The following TMPRSS11E variants were observed in gnomAD, a reference collection of about 807,000 sequenced individuals.
TMPRSS11E encodes transmembrane serine protease 11E, also known as transmembrane protease serine 11E.
A neutral mutation model predicts 48.1 loss-of-function variants in TMPRSS11E; 38 were observed. The observed-to-expected ratio is 0.79, with a 90% CI of 0.61 to 1.04. The LOEUF (loss-of-function observed/expected upper bound fraction) is 1.04. Ranked by LOEUF, TMPRSS11E falls within the 50% of genes least tolerant of loss-of-function variation. The pLI is 0.00. For missense variants in TMPRSS11E, 530 were observed against 510.8 expected (o/e 1.04, Z -0.36); for synonymous variants, 158 against 171.9 (o/e 0.92, Z 0.63).
rs536547925 is a variant in TMPRSS11E at position 68,468,120 on chromosome 4, C to T, written c.259-759C>T. ...AAGAAGTGTCCTTAGTAAAAAAATT[C>T]GGAATTAATAAAATGTAAGAAAGAA... On this transcript the variant is annotated intron_variant, in intron 3 of 9. Coordinates refer to ENST00000305363, the MANE Select transcript of TMPRSS11E (RefSeq NM_014058.4). Among the ~76,000 whole-genome samples, 14 of 152,116 alleles carry T rather than the reference C, an allele frequency of 9.2e-5. No individual in the cohort carries two copies. In the South Asian group the frequency reaches 2.1e-3, roughly 23 times the overall value.
chr4:68,449,127 T>TTG (rs1476408538), intron 1 of TMPRSS11E, among the ~76,000 whole-genome samples: 2 of 151,684 alleles, frequency 1.3e-5, no homozygotes, highest in African/African-American at 2.4e-5. Context: ...TCAGTTTTTT[T>TTG]TTTTTTTTTT....
In TMPRSS11E at chr4:68,471,460, T is replaced by A. The variant is rs748916294; in HGVS notation, c.327T>A (p.Ser109Arg). Residue 109 changes from serine (S) to arginine (R), a missense_variant and splice_region_variant, in exon 5 of 10, where the codon AGT (serine) becomes AGA (arginine). Transcript: ENST00000305363. ...CATTTTCTTCTTTTTTGGCCCACAG[T>A]CAACAGAAGCATGGAGTGTTGGCTC... ...EFVKSQVIKFSQQKHGVLAHM... is the reference protein window; with the variant it reads ...EFVKSQVIKFRQQKHGVLAHM... The A allele has an allele frequency of 7.9e-7, 1 of 1,258,102 alleles. No individual in the cohort carries two copies. Among genetic ancestry groups the A allele is most frequent in the Non-Finnish European group, 1.0e-6 (1 of 973,618 alleles). The allele number at this position is 1,258,102 out of a possible 1,614,324, so 77.9% of individuals were successfully genotyped here. A position where few individuals can be genotyped will look rare whatever the true frequency, so the allele number is the denominator to read the frequency against.
At position 68,490,947 on chromosome 4, in the gene TMPRSS11E, C is replaced by T. The variant is rs530780519; in HGVS notation, c.1111-5696C>T. Among the ~76,000 whole-genome samples, 13 of 151,762 alleles carry T rather than the reference C, an allele frequency of 8.6e-5. No homozygotes were observed. The East Asian group carries it at 1.2e-3, about 14-fold the overall frequency. ...CTAATTTTTGTATTTTTAGTAGAGA[C>T]GGCGTTTTGCCATGTTTGCTAGGCT... On this transcript the variant is annotated intron_variant, in intron 9 of 9. Coordinates refer to ENST00000305363, the MANE Select transcript of TMPRSS11E (RefSeq NM_014058.4).
chr4:68,496,496 C>T, intron 9 of TMPRSS11E, 147 bp from the exon 10 acceptor site: 2 of 788,852 alleles, frequency 2.5e-6, no homozygotes, highest in Non-Finnish European at 4.1e-6. Context: ...GGATAACTGA[C>T]ATAGATGGAG....
intron 5 of TMPRSS11E, among the ~76,000 whole-genome samples, chr4:68,472,832 G>A (rs1004510032): frequency 6.6e-6 from 1 of 151,912 alleles, no homozygotes; most frequent in African/African-American, 2.4e-5. Flanking sequence ...TTCTTCCCTG[G>A]TCTCGCTCTC....
intron 9 of TMPRSS11E, among the ~76,000 whole-genome samples, chr4:68,488,054 T>C (rs970567757): frequency 8.5e-5 from 13 of 152,084 alleles, no homozygotes; most frequent in Non-Finnish European, 1.9e-4. Context: ...TCACCCCCTT[T>C]GTATGTGACC....
intron 9 of TMPRSS11E, among the ~76,000 whole-genome samples, chr4:68,495,032 T>C (rs1300756631): frequency 6.6e-6 from 1 of 152,146 alleles, no homozygotes; most frequent in Non-Finnish European, 1.5e-5. Flanking sequence ...TCTTCTGAAG[T>C]TTATAATTCC....
chr4:68,452,304 A>C (rs923390196), intron 1 of TMPRSS11E, among the ~76,000 whole-genome samples: 1 of 151,978 alleles, frequency 6.6e-6, no homozygotes, highest in Non-Finnish European at 1.5e-5. Context: ...TATGTGGCCC[A>C]TTTAAAATTA....
At chr4:68,487,280 T>C (rs1729580769) in intron 9 of TMPRSS11E, among the ~76,000 whole-genome samples, 3 of 151,954 alleles carry the variant, frequency 2.0e-5, no homozygotes, top group Admixed American at 2.0e-4. Context: ...GAGACCGCGT[T>C]TTGCTCTTGT....
intron 2 of TMPRSS11E, among the ~76,000 whole-genome samples, chr4:68,466,019 A>G (rs1728917877): frequency 2.0e-5 from 3 of 152,172 alleles, no homozygotes; most frequent in East Asian, 1.9e-4. Context: ...TTGGTGGGAA[A>G]AACATACATG....
chr4:68,478,764 A>G, intron 8 of TMPRSS11E, 85 bp from the exon 9 acceptor site: 1 of 1,483,468 alleles, frequency 6.7e-7, no homozygotes, highest in Non-Finnish European at 9.3e-7. Context: ...CTGTATCACC[A>G]TCTTATTCCT....
chr4:68,496,867 T>G lies in TMPRSS11E; in HGVS notation c.*63T>G. 4 of 1,489,302 alleles carry G rather than the reference T, an allele frequency of 2.7e-6. No individual in the cohort carries two copies. The highest frequency in any genetic ancestry group is 3.6e-6 in the Non-Finnish European group (4 of 1,099,326). 92.3% of individuals were successfully genotyped at this position (1,489,302 alleles called of 1,614,324 possible). ...TGTTTTTTGGGTGTGGAGGCCATTT[T>G]TAGAGATACAGAATTGGAGAAGACT... is the stretch of plus-strand genomic sequence containing the variant. On this transcript the variant is annotated 3_prime_UTR_variant, in exon 10 of 10. Coordinates refer to ENST00000305363, the MANE Select transcript of TMPRSS11E (RefSeq NM_014058.4).
intron 6 of TMPRSS11E, among the ~76,000 whole-genome samples, chr4:68,475,422 T>C (rs1729184825): frequency 6.6e-6 from 1 of 152,168 alleles, no homozygotes; most frequent in African/African-American, 2.4e-5. Context: ...TGGAAAAATA[T>C]GTGCTACTCA....
chr4:68,487,314 GCA>G (rs1479878652), intron 9 of TMPRSS11E, among the ~76,000 whole-genome samples: 32 of 151,626 alleles, frequency 2.1e-4, no homozygotes, highest in Non-Finnish European at 3.1e-4. Context: ...GTGCAAAGGT[GCA>G]ATCTGAGCTC....
chr4:68,459,410 C>A (rs1728727450), intron 1 of TMPRSS11E, among the ~76,000 whole-genome samples: 1 of 151,654 alleles, frequency 6.6e-6, no homozygotes. Context: ...ATAAAACAAA[C>A]AAATCCATAA....
intron 3 of TMPRSS11E, among the ~76,000 whole-genome samples, chr4:68,468,302 G>A (rs1005384104): frequency 1.3e-5 from 2 of 151,976 alleles, no homozygotes; most frequent in Admixed American, 6.6e-5. Context: ...AATAACTAAC[G>A]TCTCTACAAA....
At chr4:68,467,131 T>G (rs1728948888) in intron 3 of TMPRSS11E, among the ~76,000 whole-genome samples, 1 of 152,128 alleles carries the variant, frequency 6.6e-6, no homozygotes. Context: ...TGAAACTATT[T>G]AGGCACATAC....
chr4:68,487,276 G>A (rs1298478036), intron 9 of TMPRSS11E, among the ~76,000 whole-genome samples: 3 of 149,174 alleles, frequency 2.0e-5, no homozygotes, highest in Admixed American at 6.7e-5. Flanking sequence ...TTTTGAGACC[G>A]CGTTTTGCTC....
At chr4:68,474,815 C>A in intron 6 of TMPRSS11E, 54 bp downstream of exon 6, 2 of 1,447,210 alleles carry the variant, frequency 1.4e-6, no homozygotes, top group Non-Finnish European at 1.9e-6. Flanking sequence ...AAAGCTAACA[C>A]TATAGGTCAT....
Sources: allele counts gnomAD v4.1 joint callset (sites outside exome capture counted in the v4.1 genomes callset), GRCh38; gene constraint gnomAD v4.1.1; transcripts MANE v1.5; gene names NCBI Gene and HGNC (gene_info 2026-07-23, HGNC 2026-07-21).